CERS6: variants seen among roughly 807,000 people sequenced by gnomAD.
CERS6 encodes LAG1 homolog, ceramide synthase 6.
A neutral mutation model predicts 56.8 loss-of-function variants in CERS6; 26 were observed. The ratio of observed to expected loss-of-function variants is 0.46; its 90% CI spans 0.34 to 0.63. The LOEUF (loss-of-function observed/expected upper bound fraction) is 0.63. CERS6 is among the 30% of genes least tolerant of loss of function. The probability of loss-of-function intolerance (pLI) is 0.01; values close to 1 mark genes in which losing one functional copy is unlikely to be tolerated. For synonymous variants in CERS6, 164 were observed against 173.3 expected (o/e 0.95, Z 0.42); for missense variants, 415 against 467.5 (o/e 0.89, Z 1.04).
chr2:168,745,335 G>A (rs1484067641), intron 8 of CERS6, among the ~76,000 whole-genome samples: 2 of 151,754 alleles, frequency 1.3e-5, no homozygotes, highest in Admixed American at 6.6e-5. Context: ...TCCGCCTCCT[G>A]GGTTCACGCC....
At chr2:168,752,792 C>T (rs1185504293) in intron 8 of CERS6, among the ~76,000 whole-genome samples, 3 of 152,192 alleles carry the variant, frequency 2.0e-5, no homozygotes, top group African/African-American at 7.2e-5. Context: ...GCCTTGTATC[C>T]TTCATAGATT....
intron 4 of CERS6, among the ~76,000 whole-genome samples, chr2:168,682,843 A>G (rs540217513): frequency 1.3e-5 from 2 of 152,268 alleles, no homozygotes; most frequent in South Asian, 2.1e-4. Flanking sequence ...TCCTTTGTCT[A>G]TCTTACTTTC....
chr2:168,759,237 A>G (rs562602092), intron 8 of CERS6, among the ~76,000 whole-genome samples: 2 of 152,180 alleles, frequency 1.3e-5, no homozygotes, highest in East Asian at 3.9e-4. Flanking sequence ...AAAAGGTCAG[A>G]CTGATGCCTC....
chr2:168,725,495 T>A (rs1367443067), intron 8 of CERS6, among the ~76,000 whole-genome samples: 1 of 152,280 alleles, frequency 6.6e-6, no homozygotes, highest in East Asian at 1.9e-4. Flanking sequence ...GATTGTTCCT[T>A]TATTAAATGA....
intron 2 of CERS6, among the ~76,000 whole-genome samples, chr2:168,553,111 T>C (rs1695607486): frequency 6.6e-6 from 1 of 151,318 alleles, no homozygotes; most frequent in African/African-American, 2.4e-5. Flanking sequence ...AAAGACAAAA[T>C]TGGGAAGAAG....
chr2:168,561,216 G>A lies in CERS6; in HGVS notation c.301G>A (p.Gly101Ser). Reference sequence around the variant, plus strand: ...GCATCCTGATGAAAAGAGATTGGAAGGCCTCTCCAAGCAACTGGACTGGGA... The same window carrying A: ...GCATCCTGATGAAAAGAGATTGGAAAGCCTCTCCAAGCAACTGGACTGGGA... ...TKHPDEKRLE[G>S]LSKQLDWDVR... The change falls in exon 3 of 10, where the codon GGC (glycine) becomes AGC (serine). Residue 101 changes from glycine (G) to serine (S), a missense_variant. Physicochemically the swap from Gly to Ser is moderately conservative, Grantham distance 56. Transcript: ENST00000305747. The A allele has an allele frequency of 6.2e-7, 1 of 1,614,008 alleles. No homozygotes were observed. The highest frequency in any genetic ancestry group is 1.1e-5 in the South Asian group (1 of 91,080).
chr2:168,714,095 G>C (rs142420318), intron 6 of CERS6, among the ~76,000 whole-genome samples: 80 of 152,272 alleles, frequency 5.3e-4, no homozygotes, highest in African/African-American at 1.9e-3. Flanking sequence ...ATTCATAGAT[G>C]GTGCTTCTAG....
In CERS6 at chr2:168,631,004, C is replaced by A; in HGVS notation, c.427C>A (p.Leu143Ile). 6.6e-7 allele frequency: 1 copy of A among 1,524,736 alleles called. No individual in the cohort carries two copies. The highest frequency in any genetic ancestry group is 8.9e-7 in the Non-Finnish European group (1 of 1,118,994). 94.5% of individuals were successfully genotyped at this position (1,524,736 alleles called of 1,614,324 possible). The change falls in exon 4 of 10, where the codon CTT becomes ATT. Residue 143 changes from leucine (L) to isoleucine (I), a missense_variant. Leu to Ile is a conservative substitution (Grantham distance 5, BLOSUM62 2). Coordinates refer to ENST00000305747, the MANE Select transcript of CERS6 (RefSeq NM_203463.3). Reference protein sequence around the residue: ...CESMWRFSFYLYVFTYGVRFL... With the variant: ...CESMWRFSFYIYVFTYGVRFL... ...CTACAGGTGGAGATTTTCATTTTAC[C>A]TTTATGTATTTACCTACGGAGTCAG...
At chr2:168,576,283 C>T (rs1435025903) in intron 3 of CERS6, among the ~76,000 whole-genome samples, 2 of 152,144 alleles carry the variant, frequency 1.3e-5, no homozygotes, top group East Asian at 1.9e-4. Context: ...TTTTTATCTG[C>T]AGACTGTAAA....
chr2:168,691,400 A>G (rs1686498766), intron 5 of CERS6, among the ~76,000 whole-genome samples: 1 of 152,176 alleles, frequency 6.6e-6, no homozygotes, highest in Admixed American at 6.6e-5. Flanking sequence ...TCACTGAGGT[A>G]AGTCTGGAAT....
intron 4 of CERS6, among the ~76,000 whole-genome samples, chr2:168,646,357 G>A (rs1005830775): frequency 6.6e-6 from 1 of 151,940 alleles, no homozygotes; most frequent in Non-Finnish European, 1.5e-5. Flanking sequence ...AAAAGTGCCT[G>A]TTGATTTTCT....
chr2:168,464,839 A>G (rs74475728), intron 1 of CERS6, among the ~76,000 whole-genome samples: 3,311 of 152,334 alleles, frequency 0.022, 107 homozygotes, highest in African/African-American at 0.074. Context: ...CAAAACCACT[A>G]TGAGATACGC....
chr2:168,573,002 G>A (rs1382501594), intron 3 of CERS6, among the ~76,000 whole-genome samples: 2 of 152,068 alleles, frequency 1.3e-5, no homozygotes, highest in Admixed American at 1.3e-4. Flanking sequence ...AATGGTCCTA[G>A]GGAAGACTGA....
chr2:168,512,944 G>T (rs1694815461), intron 1 of CERS6, among the ~76,000 whole-genome samples: 1 of 152,134 alleles, frequency 6.6e-6, no homozygotes, highest in African/African-American at 2.4e-5. Flanking sequence ...GGGATTACAG[G>T]TGTGAGCTGC....
intron 3 of CERS6, among the ~76,000 whole-genome samples, chr2:168,630,614 C>T (rs930565685): frequency 6.6e-6 from 1 of 151,988 alleles, no homozygotes; most frequent in African/African-American, 2.4e-5. Context: ...CAGTTAACTC[C>T]AGTTGTTAGT....
At chr2:168,616,764 A>T (rs552695602) in intron 3 of CERS6, among the ~76,000 whole-genome samples, 1 of 152,338 alleles carries the variant, frequency 6.6e-6, no homozygotes, top group East Asian at 1.9e-4. Flanking sequence ...AAGAAACGAG[A>T]TAGATGGCAA....
At chr2:168,552,220 G>T (rs1367150656) in intron 2 of CERS6, among the ~76,000 whole-genome samples, 2 of 151,366 alleles carry the variant, frequency 1.3e-5, no homozygotes, top group African/African-American at 4.9e-5. Context: ...ATTAACCTAG[G>T]TGTTTGTAAT....
At chr2:168,714,973 T>C in intron 6 of CERS6, 28 bp from the exon 7 acceptor site, 1 of 1,592,110 alleles carries the variant, frequency 6.3e-7, no homozygotes, top group African/African-American at 1.4e-5. Flanking sequence ...TGCTAAACTC[T>C]AATATGGATG....
intron 1 of CERS6, among the ~76,000 whole-genome samples, chr2:168,483,955 G>A (rs796203597): frequency 4.5e-4 from 69 of 152,190 alleles, no homozygotes; most frequent in African/African-American, 1.7e-3. Flanking sequence ...CCCTGGTTAT[G>A]CTGATGTTGC....
Sources: allele counts gnomAD v4.1 joint callset (sites outside exome capture counted in the v4.1 genomes callset), GRCh38; gene constraint gnomAD v4.1.1; transcripts MANE v1.5; gene names NCBI Gene and HGNC (gene_info 2026-07-23, HGNC 2026-07-21).